LRRC37A2: variants seen among roughly 807,000 people sequenced by gnomAD.
LRRC37A2 encodes the protein leucine rich repeat containing 37 member A2, also known as leucine-rich repeat-containing protein 37A2.
Under a neutral mutation model 68.8 loss-of-function variants are expected in LRRC37A2, and 9 were observed. The observed-to-expected ratio is 0.13, with a 90% confidence interval of 0.08 to 0.23. The LOEUF (loss-of-function observed/expected upper bound fraction) is 0.23, where lower values mean the gene tolerates loss of function less well. LRRC37A2 is among the 10% of genes least tolerant of loss of function. The pLI is 1.00. For missense variants in LRRC37A2, 168 were observed against 950.4 expected, an observed-to-expected ratio of 0.18 and a Z score of 10.82; for synonymous variants, 63 against 367.6, an observed-to-expected ratio of 0.17 and a Z score of 9.48.
the LRRC37A2 span, among the ~76,000 whole-genome samples, chr17:46,583,542 A>G: frequency 9.0e-3 from 645 of 71,486 alleles, 101 homozygotes; most frequent in African/African-American, 0.02. Flanking sequence ...TGATCCACCT[A>G]CCTCGGCCTC....
chr17:46,887,129 C>G, the LRRC37A2 span, among the ~76,000 whole-genome samples: 2 of 152,130 alleles, frequency 1.3e-5, no homozygotes, highest in African/African-American at 4.8e-5. Context: ...CAAGAACATC[C>G]TTAACACAAA....
the LRRC37A2 span, chr17:46,769,679 G>C: frequency 6.7e-7 from 1 of 1,497,036 alleles, no homozygotes; most frequent in East Asian, 2.4e-5. Context: ...AGGAGCCCGC[G>C]ACCCACAGGG....
chr17:46,721,670 A>G, the LRRC37A2 span: 1 of 1,604,270 alleles, frequency 6.2e-7, no homozygotes, highest in Non-Finnish European at 8.5e-7. Flanking sequence ...CTTGTGTTCC[A>G]CATTGTTCTG....
the LRRC37A2 span, chr17:47,028,461 A>G: frequency 1.3e-6 from 1 of 787,734 alleles, no homozygotes; most frequent in East Asian, 2.4e-5. Context: ...CAACTCTGAA[A>G]AGCGTGTCTT....
chr17:46,934,396 C>T, the LRRC37A2 span, among the ~76,000 whole-genome samples: 60 of 152,226 alleles, frequency 3.9e-4, no homozygotes, highest in African/African-American at 1.4e-3. Flanking sequence ...GTAGCATGCA[C>T]CTATGGTCCC....
At chr17:46,790,397 T>C in the LRRC37A2 span, among the ~76,000 whole-genome samples, 5 of 152,046 alleles carry the variant, frequency 3.3e-5, no homozygotes, top group East Asian at 9.6e-4. Context: ...CTGGGCCCCC[T>C]GCAGAGAAAG....
At chr17:46,809,907 A>G in the LRRC37A2 span, among the ~76,000 whole-genome samples, 2 of 150,542 alleles carry the variant, frequency 1.3e-5, no homozygotes, top group African/African-American at 4.9e-5. Context: ...GGAAATATCA[A>G]CTCCTCAAGC....
the LRRC37A2 span, among the ~76,000 whole-genome samples, chr17:46,771,324 C>T: frequency 6.6e-6 from 1 of 152,104 alleles, no homozygotes; most frequent in African/African-American, 2.4e-5. Flanking sequence ...AGCCGCGCCG[C>T]TCACTCGCCC....
chr17:46,609,178 C>T, the LRRC37A2 span, among the ~76,000 whole-genome samples: 1 of 147,826 alleles, frequency 6.8e-6, no homozygotes, highest in Middle Eastern at 3.4e-3. Context: ...TCCTCTTGAC[C>T]TAACTGTTGG....
the LRRC37A2 span, among the ~76,000 whole-genome samples, chr17:46,981,437 T>G: frequency 1.3e-5 from 2 of 152,186 alleles, no homozygotes; most frequent in Non-Finnish European, 2.9e-5. Context: ...TCTCTTTCTC[T>G]CTCTTCTCTT....
At chr17:46,495,677 G>GC in the LRRC37A2 span, among the ~76,000 whole-genome samples, 2 of 150,496 alleles carry the variant, frequency 1.3e-5, no homozygotes, top group East Asian at 3.9e-4. Flanking sequence ...GAGCCACTGC[G>GC]CCCAGCCCCT....
the LRRC37A2 span, among the ~76,000 whole-genome samples, chr17:46,883,863 C>A: frequency 6.6e-6 from 1 of 152,202 alleles, no homozygotes; most frequent in Non-Finnish European, 1.5e-5. Flanking sequence ...GCCTCTCACG[C>A]GTCTTATCCC....
chr17:46,462,789 A>T, the LRRC37A2 span, among the ~76,000 whole-genome samples: 1 of 97,548 alleles, frequency 1.0e-5, no homozygotes, highest in Non-Finnish European at 2.4e-5. Context: ...AAAAACATAA[A>T]AGCCTACTAA....
At chr17:46,777,825 G>A in the LRRC37A2 span, among the ~76,000 whole-genome samples, 2 of 152,226 alleles carry the variant, frequency 1.3e-5, no homozygotes, top group East Asian at 1.9e-4. Context: ...GACTCCCAGT[G>A]TGATGTCCTC....
At chr17:46,726,681 A>G in the LRRC37A2 span, 1 of 1,357,124 alleles carries the variant, frequency 7.4e-7, no homozygotes, top group Admixed American at 1.7e-5. Context: ...AAAAGTTACA[A>G]GAGAAAATTA....
the LRRC37A2 span, among the ~76,000 whole-genome samples, chr17:46,954,679 G>T: frequency 1.3e-5 from 2 of 152,180 alleles, no homozygotes; most frequent in Admixed American, 6.5e-5. Context: ...TCTTCCATTT[G>T]TTTGTGTCCT....
the LRRC37A2 span, chr17:46,773,839 G>A: frequency 1.7e-5 from 28 of 1,613,170 alleles, no homozygotes; most frequent in Admixed American, 4.7e-4. Context: ...TTGGGGACCA[G>A]GCCTGGGATG....
the LRRC37A2 span, among the ~76,000 whole-genome samples, chr17:46,807,269 T>C: frequency 2.6e-5 from 4 of 152,186 alleles, no homozygotes; most frequent in Non-Finnish European, 5.9e-5. Context: ...GATCACTTGA[T>C]GTCAGGAGTT....
chr17:46,825,415 G>C, the LRRC37A2 span, among the ~76,000 whole-genome samples: 2 of 152,276 alleles, frequency 1.3e-5, no homozygotes, highest in Non-Finnish European at 2.9e-5. Flanking sequence ...AGGGCGGAAA[G>C]TGTCTGTATT....
Sources: gnomAD v4.1 joint callset for allele counts (sites outside exome capture counted in the v4.1 genomes callset) on GRCh38, gnomAD v4.1.1 for gene constraint, MANE v1.5 for transcripts, NCBI Gene and HGNC (gene_info 2026-07-23, HGNC 2026-07-21) for gene names.